Variants in GRIK4 observed in about 807,000 individuals in gnomAD.
GRIK4 encodes the protein glutamate receptor ionotropic, kainate 4.
GRIK4 carries 40 observed loss-of-function variants against 104.9 expected under a neutral mutation model. The observed-to-expected ratio is 0.38, with a 90% confidence interval of 0.30 to 0.50. The LOEUF (loss-of-function observed/expected upper bound fraction) is 0.50. Ranked by LOEUF, GRIK4 falls within the 20% of genes least tolerant of loss-of-function variation. The probability of loss-of-function intolerance (pLI) is 0.93; values close to 1 mark genes in which losing one functional copy is unlikely to be tolerated. For synonymous variants in GRIK4, 485 were observed against 524.9 expected (o/e 0.92, Z 1.04); for missense variants, 1,047 against 1,308.1 (o/e 0.80, Z 3.08).
intron 9 of GRIK4, among the ~76,000 whole-genome samples, chr11:120,864,757 G>A (rs138458244): frequency 2.6e-4 from 40 of 152,230 alleles, no homozygotes; most frequent in African/African-American, 8.9e-4. Flanking sequence ...AGGGTCCTTC[G>A]GTTCCTAGTG....
chr11:120,761,429 C>T (rs4590884), intron 3 of GRIK4, among the ~76,000 whole-genome samples: 29,542 of 152,070 alleles, frequency 0.19, 3,655 homozygotes, highest in African/African-American at 0.35. Flanking sequence ...GTTTGTTTTG[C>T]TATGCAGAAG....
intron 1 of GRIK4, among the ~76,000 whole-genome samples, chr11:120,571,222 C>A (rs970853597): frequency 3.3e-5 from 5 of 152,174 alleles, no homozygotes; most frequent in African/African-American, 1.2e-4. Flanking sequence ...CTTCTTCTTT[C>A]TTGGTTTACT....
chr11:120,975,589 C>A (rs955131851), intron 19 of GRIK4, among the ~76,000 whole-genome samples: 4 of 152,158 alleles, frequency 2.6e-5, no homozygotes, highest in African/African-American at 9.7e-5. Flanking sequence ...GCCAACAAAT[C>A]ATCGATTCAA....
intron 9 of GRIK4, among the ~76,000 whole-genome samples, chr11:120,864,297 G>T (rs1954341638): frequency 6.6e-6 from 1 of 151,544 alleles, no homozygotes; most frequent in African/African-American, 2.4e-5. Flanking sequence ...CTGGAGTGCA[G>T]TGGCGCGATC....
intron 18 of GRIK4, 116 bp downstream of exon 18, chr11:120,962,797 C>A: frequency 1.5e-6 from 1 of 647,034 alleles, no homozygotes; most frequent in Non-Finnish European, 2.7e-6. Flanking sequence ...ACCAGTTTAA[C>A]AGTGACTTTA....
chr11:120,541,201 T>C (rs1345221269), intron 1 of GRIK4, among the ~76,000 whole-genome samples: 1 of 152,238 alleles, frequency 6.6e-6, no homozygotes, highest in African/African-American at 2.4e-5. Context: ...GCTCATCCTC[T>C]AAGACCCAGC....
intron 19 of GRIK4, among the ~76,000 whole-genome samples, chr11:120,971,321 A>G (rs1944471733): frequency 6.6e-6 from 1 of 152,244 alleles, no homozygotes; most frequent in Non-Finnish European, 1.5e-5. Context: ...TGCCCAGAAC[A>G]TCACCTGCCA....
At chr11:120,799,788 A>G (rs778028600) in intron 3 of GRIK4, among the ~76,000 whole-genome samples, 61 of 152,348 alleles carry the variant, frequency 4.0e-4, no homozygotes, top group Admixed American at 1.3e-3. Context: ...TGGCACTGCC[A>G]GTTCCTGATA....
chr11:120,833,381 A>G (rs1953489701), intron 7 of GRIK4, among the ~76,000 whole-genome samples: 1 of 152,076 alleles, frequency 6.6e-6, no homozygotes, highest in African/African-American at 2.4e-5. Flanking sequence ...GCCATGATCA[A>G]TGAAGTCATT....
At chr11:120,548,095 G>A (rs1334410580) in intron 1 of GRIK4, among the ~76,000 whole-genome samples, 1 of 152,200 alleles carries the variant, frequency 6.6e-6, no homozygotes, top group African/African-American at 2.4e-5. Flanking sequence ...AGCTGTTACT[G>A]GCGCTGGTAG....
intron 8 of GRIK4, among the ~76,000 whole-genome samples, chr11:120,845,354 A>G (rs951273538): frequency 6.6e-6 from 1 of 152,202 alleles, no homozygotes; most frequent in Non-Finnish European, 1.5e-5. Context: ...CTTATCTCAT[A>G]ACATTATTTT....
intron 3 of GRIK4, among the ~76,000 whole-genome samples, chr11:120,775,192 C>T (rs1051689853): frequency 6.6e-6 from 1 of 152,090 alleles, no homozygotes; most frequent in Non-Finnish European, 1.5e-5. Context: ...TTTCTTCTGC[C>T]TCTGGTCTGC....
intron 1 of GRIK4, among the ~76,000 whole-genome samples, chr11:120,633,976 T>A (rs918264944): frequency 3.9e-5 from 6 of 152,114 alleles, no homozygotes; most frequent in African/African-American, 1.4e-4. Context: ...GCACAGCGAT[T>A]AGTAGGACAG....
At chr11:120,794,198 C>T (rs1199014634) in intron 3 of GRIK4, among the ~76,000 whole-genome samples, 1 of 145,608 alleles carries the variant, frequency 6.9e-6, no homozygotes, top group South Asian at 2.2e-4. Context: ...GGCTGAGAGC[C>T]GGGTGATGGT....
intron 3 of GRIK4, among the ~76,000 whole-genome samples, chr11:120,733,501 G>A (rs550696208): frequency 6.7e-6 from 1 of 148,506 alleles, no homozygotes; most frequent in Non-Finnish European, 1.5e-5. Flanking sequence ...GTATTTTTTT[G>A]GGGGGGGAGC....
intron 3 of GRIK4, among the ~76,000 whole-genome samples, chr11:120,682,638 G>A (rs1236027783): frequency 1.3e-5 from 2 of 149,962 alleles, no homozygotes; most frequent in Non-Finnish European, 3.0e-5. Flanking sequence ...TTATCCTACA[G>A]GTAAAATGCC....
At chr11:120,635,864 T>C (rs1384752744) in intron 1 of GRIK4, among the ~76,000 whole-genome samples, 1 of 152,232 alleles carries the variant, frequency 6.6e-6, no homozygotes, top group Non-Finnish European at 1.5e-5. Context: ...TTTTAGGAAG[T>C]GTACACACCC....
chr11:120,904,591 T>A (rs111408626), intron 12 of GRIK4, among the ~76,000 whole-genome samples: 12,259 of 152,256 alleles, frequency 0.081, 1,660 homozygotes, highest in African/African-American at 0.28. Flanking sequence ...CAGCCACCAC[T>A]TCCTGGCATC....
chr11:120,830,091 G>A (rs1953380547), intron 6 of GRIK4, among the ~76,000 whole-genome samples: 1 of 151,936 alleles, frequency 6.6e-6, no homozygotes, highest in Admixed American at 6.6e-5. Context: ...TCTCAAAACA[G>A]GTGACAGGAA....
Sources: gnomAD v4.1 joint callset for allele counts (sites outside exome capture counted in the v4.1 genomes callset) on GRCh38, gnomAD v4.1.1 for gene constraint, MANE v1.5 for transcripts, NCBI Gene and HGNC (gene_info 2026-07-23, HGNC 2026-07-21) for gene names.